Variants in FAM168B observed in about 807,000 individuals in gnomAD.
FAM168B encodes the protein myelin-associated neurite-outgrowth inhibitor.
In FAM168B, 19 loss-of-function variants were observed where a neutral mutation model predicts 21.8. The ratio of observed to expected loss-of-function variants is 0.87; its 90% CI spans 0.61 to 1.28. The LOEUF (loss-of-function observed/expected upper bound fraction) is 1.28, where lower values mean the gene tolerates loss of function less well. FAM168B is among the 50% of genes most tolerant of loss of function. The pLI is 0.00. For missense variants in FAM168B, 233 were observed against 263.1 expected (o/e 0.89, Z 0.79); for synonymous variants, 126 against 104.8 (o/e 1.20, Z -1.24).
Position 131,049,187 on chromosome 2 carries a change from C to G in FAM168B, c.*3278G>C, listed in dbSNP as rs893373520. 4.2e-5 allele frequency: 41 copies of G among 985,262 alleles called. No individual in the cohort carries two copies. Among genetic ancestry groups the G allele is most frequent in the Non-Finnish European group, 4.9e-5 (41 of 829,944 alleles). The allele number at this position is 985,262 out of a possible 1,614,324, so 61.0% of individuals were successfully genotyped here. A position where few individuals can be genotyped will look rare whatever the true frequency, so the allele number is the denominator to read the frequency against. On this transcript the variant is annotated 3_prime_UTR_variant, in exon 7 of 7. Transcript: ENST00000389915. ...TTCCTCTCGTTACTGTTGTGTCCCC[C>G]AAGACACATGCAAATTATTTCCTAG...
intron 3 of FAM168B, 91 bp from the exon 4 acceptor site, chr2:131,055,786 A>T: frequency 6.7e-7 from 1 of 1,483,066 alleles, no homozygotes; most frequent in Non-Finnish European, 9.1e-7. Flanking sequence ...GCTGCGTGTC[A>T]GCCCCACGCA....
rs779280694 is a variant in FAM168B at position 131,052,422 on chromosome 2, A to G, written c.*43T>C. On this transcript the variant is annotated 3_prime_UTR_variant, in exon 7 of 7. Transcript: ENST00000389915. ...TGCAGCACCAGCTGTGGAATCCCCAATAATGTGACTGCACAGCTCCGTCCT... is the reference window on the plus strand; with the variant it reads ...TGCAGCACCAGCTGTGGAATCCCCAGTAATGTGACTGCACAGCTCCGTCCT... 45 of 989,668 alleles carry G rather than the reference A, an allele frequency of 4.5e-5. No individual in the cohort carries two copies. The highest frequency in any genetic ancestry group is 5.3e-5 in the Non-Finnish European group (44 of 832,128). 61.3% of individuals were successfully genotyped at this position (989,668 alleles called of 1,614,324 possible). A position where few individuals can be genotyped will look rare whatever the true frequency, so the allele number is the denominator to read the frequency against.
In FAM168B at chr2:131,052,020, T is replaced by C; in HGVS notation, c.*445A>G. The C allele has an allele frequency of 1.0e-6, 1 of 985,660 alleles. No individual in the cohort carries two copies. The highest frequency in any genetic ancestry group is 1.2e-6 in the Non-Finnish European group (1 of 829,904). 61.1% of individuals were successfully genotyped at this position (985,660 alleles called of 1,614,324 possible). A position where few individuals can be genotyped will look rare whatever the true frequency, so the allele number is the denominator to read the frequency against. On this transcript the variant is annotated 3_prime_UTR_variant, in exon 7 of 7. Coordinates refer to ENST00000389915, the MANE Select transcript of FAM168B (RefSeq NM_001009993.4). ...TCTATGAAGAAATTCACTTTAACAC[T>C]TATAACTGTAAGACTTTGCATACAT...
In FAM168B at chr2:131,082,614, C is replaced by A. The variant is rs1573812846; in HGVS notation, c.33G>T (p.Gly11=). The A allele has an allele frequency of 5.0e-6, 8 of 1,609,806 alleles. No individual in the cohort carries two copies. The highest frequency in any genetic ancestry group is 6.8e-6 in the Non-Finnish European group (8 of 1,178,586). The change falls in exon 2 of 7, where the codon GGG becomes GGT. Residue 11 remains glycine (G), a synonymous_variant. Coordinates refer to ENST00000389915, the MANE Select transcript of FAM168B (RefSeq NM_001009993.4). The stretch of plus-strand genomic sequence containing the variant: ...TTCCTTTGGCATTTGCATAGGGAAC[C>A]CCAGAAGATCCAGGACTATAAACAG... MNPVYSPGSS[G]VPYANAKGIG...
At position 131,048,439 on chromosome 2, in the gene FAM168B, C is replaced by A. The variant is rs925670721; in HGVS notation, c.*4026G>T. 33 of 1,208,032 alleles carry A rather than the reference C, an allele frequency of 2.7e-5. No homozygotes were observed. The highest frequency in any genetic ancestry group is 3.2e-5 in the Non-Finnish European group (30 of 935,994). The allele number at this position is 1,208,032 out of a possible 1,614,324, so 74.8% of individuals were successfully genotyped here. The stretch of plus-strand genomic sequence containing the variant: ...GGTCCCTACACAGACGCCGCTCATC[C>A]TCTGTCTCCCCTTCCCAAGTGACTT... On this transcript the variant is annotated 3_prime_UTR_variant, in exon 7 of 7. Coordinates refer to ENST00000389915, the MANE Select transcript of FAM168B (RefSeq NM_001009993.4).
rs777315371 is a variant in FAM168B, at chr2:131,055,263, A to G, written c.475+9T>C. 4 of 1,544,418 alleles carry G rather than the reference A, an allele frequency of 2.6e-6. No homozygotes were observed. The African/African-American group carries it at 4.2e-5, about 16-fold the overall frequency. ...CCATAGGACAGACACCGCAGGAACG[A>G]GGACTTACCTGCTGACATGGCCATG... On this transcript the variant is annotated intron_variant, in intron 5 of 6. Coordinates refer to ENST00000389915, the MANE Select transcript of FAM168B (RefSeq NM_001009993.4).
chr2:131,067,024 A>G (rs1692599842), intron 3 of FAM168B, among the ~76,000 whole-genome samples: 1 of 152,164 alleles, frequency 6.6e-6, no homozygotes, highest in East Asian at 1.9e-4. Context: ...AAACCATCAG[A>G]TCTCGTGAGA....
chr2:131,080,418 A>G (rs1693376135), intron 2 of FAM168B, among the ~76,000 whole-genome samples: 1 of 151,264 alleles, frequency 6.6e-6, no homozygotes, highest in Admixed American at 6.6e-5. Context: ...AGAGCGGATC[A>G]CTTGAGGTCT....
At position 131,051,136 on chromosome 2, in the gene FAM168B, T is replaced by G; in HGVS notation, c.*1329A>C. ...CTGTCTGTGCTTGCTTTGTGCCAAG[T>G]GCCCTCAGCTGCAAAAGAGATGGCA... On this transcript the variant is annotated 3_prime_UTR_variant, in exon 7 of 7. Coordinates refer to ENST00000389915, the MANE Select transcript of FAM168B (RefSeq NM_001009993.4). 1 of 985,370 alleles carries G rather than the reference T, an allele frequency of 1.0e-6. No individual in the cohort carries two copies. The highest frequency in any genetic ancestry group is 1.7e-5 in the African/African-American group (1 of 57,312). The allele number at this position is 985,370 out of a possible 1,614,324, so 61.0% of individuals were successfully genotyped here.
In FAM168B at chr2:131,050,665, TATA is replaced by T; in HGVS notation, c.*1797_*1799del. The stretch of plus-strand genomic sequence containing the variant: ...TAAAATAAGATGTGAAAAAGAAAAT[TATA>T]AGAAGTACTTACTATAAAAAATAAG... On this transcript the variant is annotated 3_prime_UTR_variant, in exon 7 of 7. Transcript: ENST00000389915. 1.0e-6 allele frequency: 1 copy of T among 984,960 alleles called. No homozygotes were observed. The highest frequency in any genetic ancestry group is 4.7e-5 in the South Asian group (1 of 21,272). 61.0% of individuals were successfully genotyped at this position (984,960 alleles called of 1,614,324 possible). A position where few individuals can be genotyped will look rare whatever the true frequency, so the allele number is the denominator to read the frequency against.
At chr2:131,077,227 A>G (rs909804085) in intron 2 of FAM168B, among the ~76,000 whole-genome samples, 4 of 152,032 alleles carry the variant, frequency 2.6e-5, no homozygotes, top group Non-Finnish European at 5.9e-5. Context: ...AAAAAAAAAA[A>G]AAAAAGAACA....
intron 3 of FAM168B, among the ~76,000 whole-genome samples, chr2:131,056,047 T>C (rs1472895117): frequency 6.6e-6 from 1 of 152,202 alleles, no homozygotes; most frequent in Non-Finnish European, 1.5e-5. Flanking sequence ...CTAAAGTATA[T>C]ATGCCTTTTA....
chr2:131,069,261 T>C (rs1002093567), intron 3 of FAM168B, among the ~76,000 whole-genome samples: 19 of 152,370 alleles, frequency 1.2e-4, no homozygotes, highest in Middle Eastern at 3.4e-3. Flanking sequence ...AAAAGTGGGC[T>C]ACCTCTGAAA....
In FAM168B at chr2:131,050,717, G is replaced by C; in HGVS notation, c.*1748C>G. 1 of 985,358 alleles carries C rather than the reference G, an allele frequency of 1.0e-6. No homozygotes were observed. Among genetic ancestry groups the C allele is most frequent in the Non-Finnish European group, 1.2e-6 (1 of 829,924 alleles). 61.0% of individuals were successfully genotyped at this position (985,358 alleles called of 1,614,324 possible). A position where few individuals can be genotyped will look rare whatever the true frequency, so the allele number is the denominator to read the frequency against. On this transcript the variant is annotated 3_prime_UTR_variant, in exon 7 of 7. Coordinates refer to ENST00000389915, the MANE Select transcript of FAM168B (RefSeq NM_001009993.4). ...AGGTTACCAAAGGCTCAGTGGTCAG[G>C]TGTCCCCCCACCAACCAACTGGGGC...
rs527749669 is a variant in FAM168B at position 131,051,083 on chromosome 2, G to A, written c.*1382C>T. ...CCCACAATAAACCCTGCCAGCAAACGCACTCCAGCACTGCCTGGCCCTCTC... is the reference window on the plus strand; with the variant it reads ...CCCACAATAAACCCTGCCAGCAAACACACTCCAGCACTGCCTGGCCCTCTC... On this transcript the variant is annotated 3_prime_UTR_variant, in exon 7 of 7. Transcript: ENST00000389915. 206 of 985,192 alleles carry A rather than the reference G, an allele frequency of 2.1e-4. No individual in the cohort carries two copies. The highest frequency in any genetic ancestry group is 9.2e-4 in the Admixed American group (15 of 16,258). 61.0% of individuals were successfully genotyped at this position (985,192 alleles called of 1,614,324 possible). A position where few individuals can be genotyped will look rare whatever the true frequency, so the allele number is the denominator to read the frequency against.
chr2:131,069,917 G>A (rs1692787102), intron 3 of FAM168B, among the ~76,000 whole-genome samples: 1 of 151,740 alleles, frequency 6.6e-6, no homozygotes, highest in Non-Finnish European at 1.5e-5. Flanking sequence ...GGAATGCTAT[G>A]GCACGATCTC....
At chr2:131,073,755 A>C (rs1004831623) in intron 2 of FAM168B, among the ~76,000 whole-genome samples, 20 of 152,218 alleles carry the variant, frequency 1.3e-4, no homozygotes, top group Non-Finnish European at 2.6e-4. Context: ...ACAAATTAAG[A>C]CACCAGTCAT....
intron 1 of FAM168B, among the ~76,000 whole-genome samples, chr2:131,089,488 T>C (rs1234808380): frequency 6.6e-6 from 1 of 151,108 alleles, no homozygotes; most frequent in Non-Finnish European, 1.5e-5. Flanking sequence ...ATCCCAGCAC[T>C]TTGGGAGGCC....
At chr2:131,081,057 C>A (rs115556557) in intron 2 of FAM168B, among the ~76,000 whole-genome samples, 7 of 152,296 alleles carry the variant, frequency 4.6e-5, no homozygotes, top group African/African-American at 1.7e-4. Flanking sequence ...TCCTCCCTTT[C>A]CTTATGTTGC....
Sources: gnomAD v4.1 joint callset for allele counts (sites outside exome capture counted in the v4.1 genomes callset) on GRCh38, gnomAD v4.1.1 for gene constraint, MANE v1.5 for transcripts, NCBI Gene and HGNC (gene_info 2026-07-23, HGNC 2026-07-21) for gene names.